The following UNK variants were observed in gnomAD, a reference collection of about 807,000 sequenced individuals.
The protein encoded by UNK is RING finger protein unkempt homolog.
UNK carries 32 observed loss-of-function variants against 97.6 expected under a neutral mutation model. That is an observed-to-expected ratio of 0.33 (90% CI 0.25 to 0.44). The LOEUF (loss-of-function observed/expected upper bound fraction) is 0.44. Among genes scored for constraint, UNK ranks in the 20% least tolerant of loss-of-function variants. The pLI, the probability that UNK is intolerant of heterozygous loss-of-function variation, is 1.00. For synonymous variants in UNK, 441 were observed against 461.2 expected, an observed-to-expected ratio of 0.96 and a Z score of 0.56; for missense variants, 771 against 1,098.4, an observed-to-expected ratio of 0.70 and a Z score of 4.21.
intron 13 of UNK, chr17:75,821,939 G>A: frequency 3.0e-6 from 1 of 338,266 alleles, no homozygotes; most frequent in East Asian, 8.1e-5. Flanking sequence ...TGTGATTCTT[G>A]GTAAAACATT....
At chr17:75,788,470 TC>T (rs1477279822) in intron 1 of UNK, among the ~76,000 whole-genome samples, 2 of 151,872 alleles carry the variant, frequency 1.3e-5, no homozygotes, top group Non-Finnish European at 2.9e-5. Context: ...GAGCCACTGT[TC>T]CCGTCTGCCT....
intron 1 of UNK, chr17:75,785,497 T>A (rs1251563557): frequency 6.5e-6 from 1 of 152,908 alleles, no homozygotes; most frequent in Non-Finnish European, 1.5e-5. Flanking sequence ...GAATTCACAG[T>A]CGACGTAGAT....
chr17:75,810,029 C>T, intron 2 of UNK, 60 bp downstream of exon 2: 2 of 1,590,044 alleles, frequency 1.3e-6, no homozygotes, highest in South Asian at 2.2e-5. Context: ...CAGATGCCCT[C>T]AGGGTAGGCT....
At position 75,813,863 on chromosome 17, in the gene UNK, G is replaced by A. The variant is rs1271798027; in HGVS notation, c.861G>A (p.Gln287=). ...AGTACTGCCACACCCGCACCGAGCA[G>A]CAGTTCCACCCCGAGGTGGGCCCCA... ...ACQYCHTRTE[Q]QFHPEIYKST... The change falls in exon 6 of 16, where the codon CAG becomes CAA. Residue 287 remains glutamine, a synonymous_variant. Transcript: ENST00000589666. The A allele has an allele frequency of 1.8e-5, 29 of 1,589,448 alleles. No individual in the cohort carries two copies. The highest frequency in any genetic ancestry group is 2.4e-5 in the Non-Finnish European group (28 of 1,168,588).
At chr17:75,805,277 G>C (rs761992715) in intron 1 of UNK, among the ~76,000 whole-genome samples, 25 of 150,566 alleles carry the variant, frequency 1.7e-4, no homozygotes, top group Non-Finnish European at 3.3e-4. Flanking sequence ...TGGTGGCTGT[G>C]GTCCCAGCTA....
At chr17:75,814,110 C>G (rs2061995284) in intron 6 of UNK, among the ~76,000 whole-genome samples, 1 of 152,188 alleles carries the variant, frequency 6.6e-6, no homozygotes, top group Admixed American at 6.5e-5. Context: ...TCTGTGTCCC[C>G]CAGGCCTCCT....
intron 1 of UNK, chr17:75,793,451 A>G (rs2077782933): frequency 2.0e-6 from 2 of 985,192 alleles, no homozygotes; most frequent in South Asian, 4.7e-5. Flanking sequence ...AGTGTGTAGA[A>G]TTTGACAGCA....
At chr17:75,812,657 C>T in intron 4 of UNK, 72 bp downstream of exon 4, 1 of 1,551,832 alleles carries the variant, frequency 6.4e-7, no homozygotes. Flanking sequence ...ATTTGGCTCA[C>T]CACCACCTAC....
At chr17:75,803,856 T>C (rs1300397068) in intron 1 of UNK, among the ~76,000 whole-genome samples, 3 of 152,212 alleles carry the variant, frequency 2.0e-5, no homozygotes, top group Non-Finnish European at 2.9e-5. Context: ...CCAACCACTA[T>C]TGAATGCTGA....
chr17:75,815,848 C>T (rs752110336), intron 7 of UNK, among the ~76,000 whole-genome samples: 31 of 148,844 alleles, frequency 2.1e-4, no homozygotes, highest in Non-Finnish European at 3.6e-4. Flanking sequence ...ATCATGCCGC[C>T]GCACTCCAGC....
chr17:75,807,962 C>T (rs971582766), intron 1 of UNK, among the ~76,000 whole-genome samples: 2 of 152,184 alleles, frequency 1.3e-5, no homozygotes, highest in Non-Finnish European at 2.9e-5. Context: ...AAATATTATT[C>T]ATTGCTTATA....
chr17:75,818,726 C>G lies in UNK; in HGVS notation c.1456C>G (p.Pro486Ala), dbSNP rs754835445. ...CACCTCCAGCCTGGCAGCTACCCCCCCTAGCCCAGTGGGCACCAGCAGCGT... is the reference window on the plus strand; with the variant it reads ...CACCTCCAGCCTGGCAGCTACCCCCGCTAGCCCAGTGGGCACCAGCAGCGT... Reference protein sequence around the residue: ...SITSSLAATPPSPVGTSSVPG... With the variant: ...SITSSLAATPASPVGTSSVPG... Residue 486 changes from proline to alanine, a missense_variant, in exon 11 of 16, where the codon CCT becomes GCT. Pro to Ala is a conservative substitution (Grantham distance 27, BLOSUM62 -1). Coordinates refer to ENST00000589666, the MANE Select transcript of UNK (RefSeq NM_001080419.3). This position sits in a 1 kb window ranked among gnomAD's most constrained non-coding sequence, Gnocchi z 5.1. The G allele has an allele frequency of 9.3e-6, 15 of 1,613,338 alleles. No individual in the cohort carries two copies. The Admixed American group carries it at 1.5e-4, about 16-fold the overall frequency.
At position 75,824,506 on chromosome 17, in the gene UNK, G is replaced by A. The variant is rs571908663; in HGVS notation, c.*89G>A. The A allele has an allele frequency of 2.1e-4, 177 of 844,402 alleles. 1 individual carries two copies. The highest frequency in any genetic ancestry group is 2.4e-4 in the Non-Finnish European group (160 of 656,004). 52.3% of individuals were successfully genotyped at this position (844,402 alleles called of 1,614,324 possible). A position where few individuals can be genotyped will look rare whatever the true frequency, so the allele number is the denominator to read the frequency against. On this transcript the variant is annotated 3_prime_UTR_variant, in exon 16 of 16. Coordinates refer to ENST00000589666, the MANE Select transcript of UNK (RefSeq NM_001080419.3). This position sits in a 1 kb window ranked among gnomAD's most constrained non-coding sequence, Gnocchi z 4.9. The stretch of plus-strand genomic sequence containing the variant: ...TATATATGAATATATATATATATGT[G>A]TATGTATGTATGTATATGTATATGA...
Position 75,802,242 on chromosome 17 carries a change from C to CTT in UNK, c.105-7485_105-7484dup, listed in dbSNP as rs56221993. On this transcript the variant is annotated intron_variant, in intron 1 of 15. Transcript: ENST00000589666. Reference sequence around the variant, plus strand: ...TGATGGATTTTTTCAGCACAGATGTCTTTTTTTTTTTTTTTTTTTTTTTTT... The same window carrying CTT: ...TGATGGATTTTTTCAGCACAGATGTCTTTTTTTTTTTTTTTTTTTTTTTTTTT... Among the ~76,000 whole-genome samples, 23 of 47,260 alleles carry CTT rather than the reference C, an allele frequency of 4.9e-4. 3 individuals are homozygous for CTT. Among genetic ancestry groups the CTT allele is most frequent in the East Asian group, 1.8e-3 (2 of 1,094 alleles). The allele number at this position is 47,260 out of a possible 152,430, so 31.0% of individuals were successfully genotyped here.
intron 1 of UNK, among the ~76,000 whole-genome samples, chr17:75,791,054 T>C (rs982708968): frequency 9.2e-5 from 14 of 152,240 alleles, no homozygotes; most frequent in African/African-American, 2.9e-4. Context: ...CATGTCTTCA[T>C]GCCTTCAACT....
intron 13 of UNK, chr17:75,821,174 C>G (rs2062064336): frequency 6.2e-6 from 2 of 322,612 alleles, no homozygotes; most frequent in South Asian, 4.8e-5. Flanking sequence ...ACATCAGCCT[C>G]CTGAGTAGCT....
intron 1 of UNK, among the ~76,000 whole-genome samples, chr17:75,799,736 C>CG (rs972225854): frequency 7.9e-5 from 12 of 152,084 alleles, no homozygotes; most frequent in African/African-American, 2.2e-4. Flanking sequence ...AACATGGAAG[C>CG]GGGGGCAGGC....
intron 1 of UNK, among the ~76,000 whole-genome samples, chr17:75,788,081 G>A (rs1208456616): frequency 1.3e-5 from 2 of 152,068 alleles, no homozygotes; most frequent in Admixed American, 6.6e-5. Flanking sequence ...ATGGACATAC[G>A]GAGTGGAATA....
chr17:75,785,244 C>T (rs2061697718), intron 1 of UNK: 1 of 454,598 alleles, frequency 2.2e-6, no homozygotes, highest in Non-Finnish European at 3.9e-6. Flanking sequence ...AGAGTGCACT[C>T]TCCCTAGGCC....
Sources: allele counts gnomAD v4.1 joint callset (sites outside exome capture counted in the v4.1 genomes callset), GRCh38; gene constraint gnomAD v4.1.1; non-coding constraint Gnocchi (gnomAD v3.1); transcripts MANE v1.5; gene names NCBI Gene and HGNC (gene_info 2026-07-23, HGNC 2026-07-21).